Variants in PTPRO observed in about 807,000 individuals in gnomAD.
The protein encoded by PTPRO is receptor-type tyrosine-protein phosphatase O.
PTPRO carries 62 observed loss-of-function variants against 145.2 expected under a neutral mutation model. The observed-to-expected ratio is 0.43, with a 90% CI of 0.35 to 0.53. The LOEUF is 0.53. Ranked by LOEUF, PTPRO falls within the 20% of genes least tolerant of loss-of-function variation. The pLI is 0.01. For synonymous variants in PTPRO, 565 were observed against 514.7 expected (o/e 1.10, Z -1.32); for missense variants, 1,345 against 1,482.7 (o/e 0.91, Z 1.53).
intron 1 of PTPRO, among the ~76,000 whole-genome samples, chr12:15,432,986 TTTGTTG>T (rs145848522): frequency 3.9e-5 from 6 of 152,118 alleles, no homozygotes; most frequent in Admixed American, 3.3e-4. Context: ...TTTGTTTGTT[TTTGTTG>T]TTGTTGTTGT....
intron 1 of PTPRO, among the ~76,000 whole-genome samples, chr12:15,436,890 T>A (rs1194624129): frequency 6.6e-6 from 1 of 152,018 alleles, no homozygotes; most frequent in Non-Finnish European, 1.5e-5. Context: ...GCTGCTACAG[T>A]TGCGGTTTCT....
chr12:15,407,178 G>T (rs907936767), intron 1 of PTPRO, among the ~76,000 whole-genome samples: 2 of 152,162 alleles, frequency 1.3e-5, no homozygotes, highest in Non-Finnish European at 2.9e-5. Flanking sequence ...TCATCTCTCA[G>T]TTAATGGCAA....
At chr12:15,586,719 G>T (rs558449529) in intron 23 of PTPRO, among the ~76,000 whole-genome samples, 178 bp from the exon 24 acceptor site, 4 of 149,430 alleles carry the variant, frequency 2.7e-5, no homozygotes, top group Non-Finnish European at 6.0e-5. Flanking sequence ...AATTAGCGTG[G>T]TTTTTTTTTT....
chr12:15,342,577 C>T (rs1005238530), intron 1 of PTPRO, among the ~76,000 whole-genome samples: 9 of 152,160 alleles, frequency 5.9e-5, no homozygotes, highest in African/African-American at 2.2e-4. Context: ...AACCAGTACA[C>T]ACCCAATATC....
At chr12:15,428,885 A>T (rs974255438) in intron 1 of PTPRO, among the ~76,000 whole-genome samples, 1 of 152,154 alleles carries the variant, frequency 6.6e-6, no homozygotes, top group Non-Finnish European at 1.5e-5. Flanking sequence ...ATGATTGCCA[A>T]AAAAGTGCAC....
At chr12:15,352,863 T>C (rs1373211412) in intron 1 of PTPRO, among the ~76,000 whole-genome samples, 2 of 152,160 alleles carry the variant, frequency 1.3e-5, no homozygotes, top group African/African-American at 2.4e-5. Flanking sequence ...AATGAATCTA[T>C]GCAAAACCTT....
At chr12:15,348,068 A>T (rs1187223842) in intron 1 of PTPRO, among the ~76,000 whole-genome samples, 1 of 152,204 alleles carries the variant, frequency 6.6e-6, no homozygotes, top group Non-Finnish European at 1.5e-5. Context: ...CCTAACCCTA[A>T]CCGTAACTGT....
intron 11 of PTPRO, 35 bp from the exon 12 acceptor site, chr12:15,526,107 A>G (rs1942831682): frequency 6.2e-7 from 1 of 1,613,464 alleles, no homozygotes; most frequent in South Asian, 1.1e-5. Context: ...TTCATTCACT[A>G]AAAGTTTAAA....
chr12:15,446,867 AT>A (rs960616576), intron 1 of PTPRO, among the ~76,000 whole-genome samples: 1 of 152,110 alleles, frequency 6.6e-6, no homozygotes, highest in Non-Finnish European at 1.5e-5. Flanking sequence ...GGAAAAGTCT[AT>A]TTTCAGTAGG....
In PTPRO at chr12:15,549,217, T is replaced by G. The variant is rs1274845337; in HGVS notation, c.2428T>G (p.Ser810Ala). Reference protein sequence around the residue: ...SPSVPTFIAVSTMVTEMNPNV... With the variant: ...SPSVPTFIAVATMVTEMNPNV... Reference sequence around the variant, plus strand: ...CAGTGTCCCTACGTTCATAGCCGTCTCAACAATGGGTAATTATACACATTA... The same window carrying G: ...CAGTGTCCCTACGTTCATAGCCGTCGCAACAATGGGTAATTATACACATTA... The change falls in exon 14 of 27, where the codon TCA (serine) becomes GCA (alanine). Residue 810 changes from serine to alanine, a missense_variant. Ser to Ala is a moderately conservative substitution (Grantham distance 99). Around this residue, in one of 3 missense-constraint regions of PTPRO, gnomAD observed 1,130 missense variants for 1,214.7 expected, o/e 0.93. Transcript: ENST00000281171. The G allele has an allele frequency of 2.5e-6, 4 of 1,610,766 alleles. No homozygotes were observed. In the African/African-American group the frequency reaches 5.3e-5, roughly 22 times the overall value.
intron 17 of PTPRO, 95 bp downstream of exon 17, chr12:15,560,371 A>C (rs1460507766): frequency 1.1e-6 from 1 of 925,094 alleles, no homozygotes; most frequent in East Asian, 2.5e-5. Context: ...ACTATTTTGT[A>C]TGTTCAGTAA....
At chr12:15,514,483 G>C (rs1239294717) in intron 7 of PTPRO, among the ~76,000 whole-genome samples, 2 of 147,288 alleles carry the variant, frequency 1.4e-5, no homozygotes, top group Non-Finnish European at 3.0e-5. Flanking sequence ...AGAAAGAACA[G>C]TAAAGAAGGT....
intron 1 of PTPRO, among the ~76,000 whole-genome samples, chr12:15,332,955 A>T (rs773050076): frequency 1.2e-4 from 19 of 152,150 alleles, no homozygotes; most frequent in Non-Finnish European, 2.5e-4. Context: ...GAAGCTTGTC[A>T]TCTCACTGTT....
chr12:15,535,759 GCCTCATAC>G (rs1943054244), intron 12 of PTPRO, among the ~76,000 whole-genome samples: 1 of 152,186 alleles, frequency 6.6e-6, no homozygotes, highest in Non-Finnish European at 1.5e-5. Flanking sequence ...ACAGGGAGGA[GCCTCATAC>G]CCACTTTTGT....
At chr12:15,475,575 A>C (rs1162001720) in intron 1 of PTPRO, among the ~76,000 whole-genome samples, 1 of 152,188 alleles carries the variant, frequency 6.6e-6, no homozygotes, top group Non-Finnish European at 1.5e-5. Context: ...TGAGATTCCG[A>C]ATAAGTCCTA....
intron 7 of PTPRO, among the ~76,000 whole-genome samples, chr12:15,511,870 G>T (rs1942448442): frequency 6.6e-6 from 1 of 151,756 alleles, no homozygotes; most frequent in South Asian, 2.1e-4. Context: ...GGCTATAATG[G>T]CGTATTTAAA....
At chr12:15,548,302 G>T (rs1943351198) in intron 13 of PTPRO, among the ~76,000 whole-genome samples, 1 of 152,174 alleles carries the variant, frequency 6.6e-6, no homozygotes, top group African/African-American at 2.4e-5. Flanking sequence ...AGAATGTAGG[G>T]AGGCAGGCAT....
In PTPRO at chr12:15,569,426, A is replaced by G. The variant is rs753044774; in HGVS notation, c.2757A>G (p.Gln919=). The G allele has an allele frequency of 2.0e-5, 33 of 1,613,230 alleles. No homozygotes were observed. The Admixed American group carries it at 5.2e-4, about 25-fold the overall frequency. The part of the protein sequence containing the change: ...LKKRKLTNPV[Q]LDDFDAYIKD... ...TTTGTGTTTGGCAAAGCCCGGTTCA[A>G]CTGGATGACTTTGATGCCTATATTA... Residue 919 remains glutamine (Q), a synonymous_variant, in exon 19 of 27, where the codon CAA becomes CAG. Coordinates refer to ENST00000281171, the MANE Select transcript of PTPRO (RefSeq NM_030667.3).
intron 12 of PTPRO, among the ~76,000 whole-genome samples, chr12:15,527,068 A>T (rs576056962): frequency 6.6e-6 from 1 of 152,288 alleles, no homozygotes; most frequent in South Asian, 2.1e-4. Flanking sequence ...AAGTTTATAA[A>T]TGGCAGCATA....
Sources: allele counts gnomAD v4.1 joint callset (sites outside exome capture counted in the v4.1 genomes callset), GRCh38; gene constraint gnomAD v4.1.1; regional missense constraint gnomAD v4.1.1; transcripts MANE v1.5; gene names NCBI Gene and HGNC (gene_info 2026-07-23, HGNC 2026-07-21).